The following NECAP2 variants were observed in gnomAD, a reference collection of about 807,000 sequenced individuals.
The protein encoded by NECAP2 is adaptin ear-binding coat-associated protein 2.
NECAP2 carries 38 observed loss-of-function variants against 37.8 expected under a neutral mutation model. The observed-to-expected ratio is 1.01, with a 90% CI of 0.78 to 1.32. The LOEUF (loss-of-function observed/expected upper bound fraction) is 1.32. Among genes scored for constraint, NECAP2 ranks in the 40% most tolerant of loss-of-function variants. The probability of loss-of-function intolerance (pLI) is 0.00; values close to 1 mark genes in which losing one functional copy is unlikely to be tolerated. For synonymous variants in NECAP2, 121 were observed against 127.7 expected (o/e 0.95, Z 0.35); for missense variants, 316 against 334.5 (o/e 0.94, Z 0.43).
intron 2 of NECAP2, among the ~76,000 whole-genome samples, chr1:16,444,956 G>A (rs1158782794): frequency 6.6e-6 from 1 of 152,212 alleles, no homozygotes; most frequent in South Asian, 2.1e-4. Context: ...CGGGTAGCTG[G>A]GATTACAGGC....
chr1:16,457,793 T>C (rs1376572345), intron 7 of NECAP2, among the ~76,000 whole-genome samples: 1 of 145,358 alleles, frequency 6.9e-6, no homozygotes, highest in South Asian at 2.3e-4. Context: ...GCTCACTGCA[T>C]CCTTGACCTT....
intron 5 of NECAP2, chr1:16,450,288 G>T (rs1390406619): frequency 3.8e-4 from 112 of 298,350 alleles, no homozygotes; most frequent in Non-Finnish European, 5.0e-4. Context: ...TTGTTTTGTT[G>T]TTTTTTTTTT....
At position 16,444,734 on chromosome 1, in the gene NECAP2, C is replaced by G. The variant is rs376016357; in HGVS notation, c.193+1002C>G. Reference sequence around the variant, plus strand: ...CCATGGCCAGACCAGAGACTTTAAGCTGGAGAATTGCTGGGACACCCCAGG... The same window carrying G: ...CCATGGCCAGACCAGAGACTTTAAGGTGGAGAATTGCTGGGACACCCCAGG... On this transcript the variant is annotated intron_variant, in intron 2 of 7. Coordinates refer to ENST00000337132, the MANE Select transcript of NECAP2 (RefSeq NM_018090.5). Among the ~76,000 whole-genome samples, 117 of 152,316 alleles carry G rather than the reference C, an allele frequency of 7.7e-4. 1 individual carries two copies. Among genetic ancestry groups the G allele is most frequent in the African/African-American group, 2.6e-3 (109 of 41,570 alleles).
intron 2 of NECAP2, among the ~76,000 whole-genome samples, chr1:16,445,066 C>T (rs1472901025): frequency 5.3e-5 from 8 of 152,262 alleles, no homozygotes; most frequent in South Asian, 2.1e-4. Flanking sequence ...CCTCGTGATC[C>T]GCCCACCTCG....
rs2086852328 is a variant in NECAP2 at position 16,452,070 on chromosome 1, T to A, written c.667+55T>A. 3.4e-6 allele frequency: 5 copies of A among 1,489,958 alleles called. No homozygotes were observed. The South Asian group carries it at 6.7e-5, about 20-fold the overall frequency. The allele number at this position is 1,489,958 out of a possible 1,614,324, so 92.3% of individuals were successfully genotyped here. ...AGTACCTGCCGGCTCCTCTTCTCCC[T>A]GGCAGCCAGGCCCCATGGTTTCCCC... is the stretch of plus-strand genomic sequence containing the variant. On this transcript the variant is annotated intron_variant, in intron 6 of 7. Transcript: ENST00000337132.
chr1:16,449,038 T>C, intron 4 of NECAP2, 55 bp from the exon 5 acceptor site: 1 of 1,193,044 alleles, frequency 8.4e-7, no homozygotes, highest in Non-Finnish European at 1.2e-6. Context: ...AGCCAGTGAT[T>C]GCAGGGCAGC....
chr1:16,449,210 T>C lies in NECAP2; in HGVS notation c.489+9T>C. The C allele has an allele frequency of 2.5e-6, 4 of 1,593,410 alleles. No individual in the cohort carries two copies. Among genetic ancestry groups the C allele is most frequent in the Non-Finnish European group, 3.4e-6 (4 of 1,165,716 alleles). On this transcript the variant is annotated intron_variant, in intron 5 of 7. Coordinates refer to ENST00000337132, the MANE Select transcript of NECAP2 (RefSeq NM_018090.5). ...TCAAGCTCAACATCGCAGTGAGTTC[T>C]ACCCTTGCTTGGCTGTGGTGACGTG... is the stretch of plus-strand genomic sequence containing the variant.
At chr1:16,452,187 C>T (rs2086854979) in intron 6 of NECAP2, among the ~76,000 whole-genome samples, 172 bp downstream of exon 6, 1 of 152,224 alleles carries the variant, frequency 6.6e-6, no homozygotes, top group Non-Finnish European at 1.5e-5. Flanking sequence ...GGGTAAGGGG[C>T]TCCTCCTACT....
At chr1:16,446,465 G>A (rs573506984) in intron 2 of NECAP2, among the ~76,000 whole-genome samples, 8 of 152,244 alleles carry the variant, frequency 5.3e-5, no homozygotes, top group East Asian at 3.9e-4. Context: ...AGGCTGAAGC[G>A]GGAAGATTAC....
At chr1:16,445,326 G>T (rs2086744358) in intron 2 of NECAP2, among the ~76,000 whole-genome samples, 1 of 152,234 alleles carries the variant, frequency 6.6e-6, no homozygotes, top group Non-Finnish European at 1.5e-5. Context: ...GGCCAGATGA[G>T]TCTTTGTTTT....
intron 1 of NECAP2, chr1:16,441,576 G>C (rs1261151507): frequency 1.3e-5 from 2 of 151,980 alleles, no homozygotes; most frequent in Non-Finnish European, 2.9e-5. Context: ...CTATCAAAAC[G>C]ACGAAAAATA....
intron 5 of NECAP2, chr1:16,449,554 A>G (rs755551229): frequency 2.0e-5 from 5 of 246,036 alleles, no homozygotes; most frequent in Non-Finnish European, 4.0e-5. Flanking sequence ...AAGAGTGATC[A>G]AAGAGTGGTT....
At chr1:16,451,429 C>G (rs148470514) in intron 5 of NECAP2, 95 of 169,998 alleles carry the variant, frequency 5.6e-4, no homozygotes, top group African/African-American at 2.2e-3. Flanking sequence ...AGTTTAAGTT[C>G]CTATGTTGAG....
chr1:16,451,300 A>G (rs2086838581), intron 5 of NECAP2: 1 of 153,230 alleles, frequency 6.5e-6, no homozygotes, highest in Non-Finnish European at 1.5e-5. Flanking sequence ...ACATTTGGGT[A>G]GTTTCCAGTT....
Position 16,452,006 on chromosome 1 carries a change from C to A in NECAP2, c.658C>A (p.Pro220Thr). The A allele has an allele frequency of 6.3e-7, 1 of 1,591,722 alleles. No homozygotes were observed. The highest frequency in any genetic ancestry group is 8.6e-7 in the Non-Finnish European group (1 of 1,169,020). ...ATCCCTCGTCCAGCCAGCAGTTGCT[C>A]CCAGTTCAGGTTAGTGCTCAGTGGG... Reference protein sequence around the residue: ...GGSLVQPAVAPSSGGAPVPWP... With the variant: ...GGSLVQPAVATSSGGAPVPWP... The change falls in exon 6 of 8, where the codon CCC (proline) becomes ACC (threonine). Residue 220 changes from proline to threonine, a missense_variant. Around this residue, in one of 3 missense-constraint regions of NECAP2, gnomAD observed 204 missense variants for 188.6 expected, o/e 1.08. Coordinates refer to ENST00000337132, the MANE Select transcript of NECAP2 (RefSeq NM_018090.5).
At position 16,448,199 on chromosome 1, in the gene NECAP2, G is replaced by C; in HGVS notation, c.380+58G>C. ...CCTCCCTTCTTTCCCTGGACAGAAT[G>C]ATCTCCCAGGTTAGGATACCCAAGT... is the stretch of plus-strand genomic sequence containing the variant. On this transcript the variant is annotated intron_variant, in intron 4 of 7. Transcript: ENST00000337132. 5 of 1,500,182 alleles carry C rather than the reference G, an allele frequency of 3.3e-6. No individual in the cohort carries two copies. The South Asian group carries it at 5.6e-5, about 17-fold the overall frequency. The allele number at this position is 1,500,182 out of a possible 1,614,324, so 92.9% of individuals were successfully genotyped here. A position where few individuals can be genotyped will look rare whatever the true frequency, so the allele number is the denominator to read the frequency against.
chr1:16,444,082 G>C (rs144521098), intron 2 of NECAP2, among the ~76,000 whole-genome samples: 3 of 152,184 alleles, frequency 2.0e-5, no homozygotes, highest in African/African-American at 4.8e-5. Context: ...CTGCCGCTGG[G>C]CTCTGCTTCC....
At chr1:16,441,922 A>G (rs753436716) in intron 1 of NECAP2, among the ~76,000 whole-genome samples, 35 of 152,052 alleles carry the variant, frequency 2.3e-4, no homozygotes, top group Admixed American at 1.9e-3. Context: ...TCTGTCATCA[A>G]ACTGTGGTTG....
intron 7 of NECAP2, 30 bp from the exon 8 acceptor site, chr1:16,458,812 C>G: frequency 1.9e-6 from 3 of 1,611,716 alleles, no homozygotes; most frequent in Middle Eastern, 3.3e-4. Flanking sequence ...GATCTGAACT[C>G]CCCCACCCTT....
Sources: allele counts gnomAD v4.1 joint callset (sites outside exome capture counted in the v4.1 genomes callset), GRCh38; gene constraint gnomAD v4.1.1; regional missense constraint gnomAD v4.1.1; transcripts MANE v1.5; gene names NCBI Gene and HGNC (gene_info 2026-07-23, HGNC 2026-07-21).